The following CCDC181 variants were observed in gnomAD, a reference collection of about 807,000 sequenced individuals.
CCDC181 encodes coiled-coil domain containing 181.
A neutral mutation model predicts 58.7 loss-of-function variants in CCDC181; 35 were observed. The ratio of observed to expected loss-of-function variants is 0.60; its 90% CI spans 0.46 to 0.79. The LOEUF (loss-of-function observed/expected upper bound fraction) is 0.79, where lower values mean the gene tolerates loss of function less well. CCDC181 is among the 30% of genes least tolerant of loss of function. The pLI is 0.00. For missense variants in CCDC181, 517 were observed against 583.9 expected (o/e 0.89, Z 1.18); for synonymous variants, 183 against 197.5 (o/e 0.93, Z 0.62).
chr1:169,417,278 G>C (rs921123520), intron 4 of CCDC181, among the ~76,000 whole-genome samples: 1 of 152,228 alleles, frequency 6.6e-6, no homozygotes, highest in Non-Finnish European at 1.5e-5. Context: ...ATTGTGACCA[G>C]AGCTTCTGTC....
Position 169,421,999 on chromosome 1 carries a change from C to T in CCDC181, c.432G>A (p.Val144=), listed in dbSNP as rs1174709761. ...TAAGTTTTCGCTCCCTTTTATCATT[C>T]ACCGGTTCTTGATTCTGTAGAAGCT... The part of the protein sequence containing the change: ...ANKLLQNQEP[V]NDKRERKLKF... The change falls in exon 3 of 6, where the codon GTG becomes GTA. Residue 144 remains valine, a synonymous_variant. Transcript: ENST00000367806. 1 of 1,613,982 alleles carries T rather than the reference C, an allele frequency of 6.2e-7. No homozygotes were observed. Among genetic ancestry groups the T allele is most frequent in the Admixed American group, 1.7e-5 (1 of 59,986 alleles).
In CCDC181 at chr1:169,419,095, G is replaced by A. The variant is rs373297232; in HGVS notation, c.1133C>T (p.Ala378Val). 3.4e-5 allele frequency: 55 copies of A among 1,612,614 alleles called. No individual in the cohort carries two copies. In the South Asian group the frequency reaches 3.5e-4, roughly 10 times the overall value. ...CTGCTCTCTTTTCTTTTGCAACCACGCTTTAAATACTATGTCATTCTCTCT... is the reference window on the plus strand; with the variant it reads ...CTGCTCTCTTTTCTTTTGCAACCACACTTTAAATACTATGTCATTCTCTCT... ...KKRENDIVFK[A>V]WLQKKREQVL... The change falls in exon 4 of 6, where the codon GCG (alanine) becomes GTG (valine). Residue 378 changes from alanine to valine, a missense_variant. Ala to Val is a moderately conservative substitution (Grantham distance 64). Coordinates refer to ENST00000367806, the MANE Select transcript of CCDC181 (RefSeq NM_001300969.2).
intron 2 of CCDC181, among the ~76,000 whole-genome samples, chr1:169,448,096 G>A (rs961558269): frequency 1.9e-4 from 29 of 152,186 alleles, no homozygotes; most frequent in African/African-American, 7.0e-4. Context: ...CACATGTAGT[G>A]CAGGTACCTA....
chr1:169,400,054 A>G (rs1655252278), intron 4 of CCDC181, among the ~76,000 whole-genome samples: 1 of 152,140 alleles, frequency 6.6e-6, no homozygotes, highest in Admixed American at 6.6e-5. Context: ...ACATGTGTAG[A>G]GTGAGGCTCT....
intron 4 of CCDC181, among the ~76,000 whole-genome samples, chr1:169,400,510 C>A (rs537364533): frequency 3.9e-4 from 59 of 151,932 alleles, no homozygotes; most frequent in African/African-American, 1.4e-3. Context: ...AGAAAGAGGC[C>A]TTCAACAGAT....
At chr1:169,440,434 G>A (rs932614213) in intron 2 of CCDC181, among the ~76,000 whole-genome samples, 6 of 152,306 alleles carry the variant, frequency 3.9e-5, no homozygotes, top group East Asian at 1.9e-4. Flanking sequence ...ACACAGAGCC[G>A]GCTGTATGGG....
chr1:169,458,179 TTTTTTTTTTGTTTTG>T (rs1035014875), intron 2 of CCDC181, among the ~76,000 whole-genome samples: 8 of 142,650 alleles, frequency 5.6e-5, no homozygotes, highest in African/African-American at 1.6e-4. Context: ...ATTTTTGTTT[TTTTTTTTTTGTTTTG>T]TTTTTTTTGC....
intron 2 of CCDC181, among the ~76,000 whole-genome samples, chr1:169,439,850 G>C (rs1316631625): frequency 1.3e-5 from 2 of 152,138 alleles, no homozygotes; most frequent in African/African-American, 2.4e-5. Context: ...ATCTTTCCCT[G>C]AAGTTCAGCC....
At chr1:169,417,835 A>AC (rs946576724) in intron 4 of CCDC181, among the ~76,000 whole-genome samples, 49 of 152,152 alleles carry the variant, frequency 3.2e-4, no homozygotes, top group African/African-American at 1.1e-3. Context: ...TACATGTAGA[A>AC]CCCCCATCAC....
intron 2 of CCDC181, among the ~76,000 whole-genome samples, chr1:169,424,421 T>C (rs1029622384): frequency 3.9e-5 from 6 of 151,934 alleles, no homozygotes; most frequent in African/African-American, 1.4e-4. Flanking sequence ...ATTTGCTTTA[T>C]TTTTCATTTA....
intron 2 of CCDC181, among the ~76,000 whole-genome samples, chr1:169,440,818 C>T (rs1328232172): frequency 1.3e-5 from 2 of 151,348 alleles, no homozygotes; most frequent in Non-Finnish European, 2.9e-5. Flanking sequence ...CCTGTAATCC[C>T]AGCTACTTGG....
chr1:169,416,565 T>G (rs1656223137), intron 4 of CCDC181, among the ~76,000 whole-genome samples: 2 of 152,180 alleles, frequency 1.3e-5, no homozygotes, highest in African/African-American at 4.8e-5. Context: ...ATTTCCCCAT[T>G]ATAGTGTTTA....
Position 169,416,348 on chromosome 1 carries a change from T to C in CCDC181, c.1215+2665A>G, listed in dbSNP as rs535024885. Among the ~76,000 whole-genome samples, 112 of 152,330 alleles carry C rather than the reference T, an allele frequency of 7.4e-4. 1 individual carries two copies. Among genetic ancestry groups the C allele is most frequent in the African/African-American group, 2.5e-3 (104 of 41,576 alleles). On this transcript the variant is annotated intron_variant, in intron 4 of 5. Transcript: ENST00000367806. The stretch of plus-strand genomic sequence containing the variant: ...TGATGAGAGAACCTGGATACCTTGG[T>C]TGCCAGTGAAGGATTCACATGCTTA...
At chr1:169,437,383 C>T (rs768865221) in intron 2 of CCDC181, among the ~76,000 whole-genome samples, 3 of 152,160 alleles carry the variant, frequency 2.0e-5, no homozygotes, top group South Asian at 2.1e-4. Flanking sequence ...GGCAGTCTAG[C>T]GCCCAGGCAA....
chr1:169,395,297 A>C, intron 5 of CCDC181, 91 bp from the exon 6 acceptor site: 1 of 1,107,878 alleles, frequency 9.0e-7, no homozygotes, highest in Non-Finnish European at 1.2e-6. Flanking sequence ...AAATAAATGG[A>C]CATTTCTTTA....
intron 2 of CCDC181, among the ~76,000 whole-genome samples, 186 bp from the exon 3 acceptor site, chr1:169,422,499 C>A (rs1163967025): frequency 6.6e-6 from 1 of 152,044 alleles, no homozygotes. Context: ...AATGTGACAG[C>A]AATGCAGGAA....
chr1:169,440,448 CTG>C (rs1378159481), intron 2 of CCDC181, among the ~76,000 whole-genome samples: 6 of 152,184 alleles, frequency 3.9e-5, no homozygotes, highest in Non-Finnish European at 8.8e-5. Flanking sequence ...GTATGGGAGA[CTG>C]GAGTTTTATT....
chr1:169,424,720 G>A (rs1656637753), intron 2 of CCDC181, 91 bp downstream of exon 2: 1 of 704,774 alleles, frequency 1.4e-6, no homozygotes, highest in African/African-American at 1.8e-5. Flanking sequence ...GAAATTTTGT[G>A]ATGTTTAGAT....
Position 169,421,784 on chromosome 1 carries a change from G to T in CCDC181, c.647C>A (p.Thr216Lys). The change falls in exon 3 of 6, where the codon ACA (threonine) becomes AAA (lysine). Residue 216 changes from threonine (T) to lysine (K), a missense_variant. Transcript: ENST00000367806. The stretch of plus-strand genomic sequence containing the variant: ...TTTTCCATCTCTCTCTACCAGTATT[G>T]TCCTATCCTTGTTTTCTTCACAGCT... ...NGSCEENKDR[T>K]ILVERDGKFE... is the part of the protein sequence containing the mutation. 1.9e-6 allele frequency: 3 copies of T among 1,614,112 alleles called. No homozygotes were observed. The highest frequency in any genetic ancestry group is 2.5e-6 in the Non-Finnish European group (3 of 1,180,014).
Sources: gnomAD v4.1 joint callset for allele counts (sites outside exome capture counted in the v4.1 genomes callset) on GRCh38, gnomAD v4.1.1 for gene constraint, MANE v1.5 for transcripts, NCBI Gene and HGNC (gene_info 2026-07-23, HGNC 2026-07-21) for gene names.